The following MITF variants were observed in gnomAD, a reference collection of about 807,000 sequenced individuals.
The protein encoded by MITF is microphthalmia-associated transcription factor.
A neutral mutation model predicts 60.5 loss-of-function variants in MITF; 17 were observed. The observed-to-expected ratio is 0.28, with a 90% CI of 0.19 to 0.42. The LOEUF (loss-of-function observed/expected upper bound fraction) is 0.42, where lower values mean the gene tolerates loss of function less well. Ranked by LOEUF, MITF falls within the 10% of genes least tolerant of loss-of-function variation. The pLI, the probability that MITF is intolerant of heterozygous loss-of-function variation, is 1.00. For missense variants in MITF, 622 were observed against 683.5 expected, an observed-to-expected ratio of 0.91 and a Z score of 1.00; for synonymous variants, 260 against 248.5, an observed-to-expected ratio of 1.05 and a Z score of -0.43.
At chr3:69,799,601 C>A (rs929064816) in intron 1 of MITF, among the ~76,000 whole-genome samples, 2 of 151,872 alleles carry the variant, frequency 1.3e-5, no homozygotes, top group African/African-American at 4.8e-5. Flanking sequence ...GTCTTCCTTT[C>A]CTAGGACAAA....
intron 1 of MITF, among the ~76,000 whole-genome samples, chr3:69,780,041 G>T: frequency 6.6e-6 from 1 of 152,182 alleles, no homozygotes; most frequent in Non-Finnish European, 1.5e-5. Context: ...GGGCTGATAA[G>T]AGAAGCTGAT....
chr3:69,843,130 G>A (rs930135), intron 1 of MITF, among the ~76,000 whole-genome samples: 75,738 of 151,882 alleles, frequency 0.5, 20,523 homozygotes, highest in Non-Finnish European at 0.63. Context: ...TGAGTACTCC[G>A]TAAGTACTCA....
intron 2 of MITF, among the ~76,000 whole-genome samples, chr3:69,883,097 A>C (rs2064526602): frequency 6.6e-6 from 1 of 152,154 alleles, no homozygotes; most frequent in South Asian, 2.1e-4. Flanking sequence ...TGTTCTGCTT[A>C]AGGGAAAGGT....
At chr3:69,759,375 G>T (rs969781062) in intron 1 of MITF, among the ~76,000 whole-genome samples, 1 of 152,158 alleles carries the variant, frequency 6.6e-6, no homozygotes, top group African/African-American at 2.4e-5. Context: ...AAAAAATGTG[G>T]CACTACATAG....
intron 1 of MITF, among the ~76,000 whole-genome samples, chr3:69,843,124 T>C (rs946486099): frequency 1.3e-5 from 2 of 152,052 alleles, no homozygotes; most frequent in Non-Finnish European, 2.9e-5. Context: ...ACTCAATGAG[T>C]ACTCCGTAAG....
At chr3:69,885,482 T>C (rs1262688532) in intron 2 of MITF, among the ~76,000 whole-genome samples, 1 of 152,098 alleles carries the variant, frequency 6.6e-6, no homozygotes, top group Non-Finnish European at 1.5e-5. Context: ...AATGGTAATT[T>C]CTTTTTTAAT....
At chr3:69,816,286 A>G (rs1279105331) in intron 1 of MITF, among the ~76,000 whole-genome samples, 4 of 152,206 alleles carry the variant, frequency 2.6e-5, no homozygotes, top group Non-Finnish European at 5.9e-5. Context: ...CCCCAAATGT[A>G]AACCGTTTCT....
intron 1 of MITF, among the ~76,000 whole-genome samples, chr3:69,855,998 A>G (rs1186718211): frequency 6.6e-6 from 1 of 152,184 alleles, no homozygotes; most frequent in African/African-American, 2.4e-5. Flanking sequence ...ATGGAATCAT[A>G]TCTGAGAGTC....
intron 1 of MITF, among the ~76,000 whole-genome samples, chr3:69,797,471 G>A (rs994057146): frequency 6.6e-6 from 1 of 151,900 alleles, no homozygotes; most frequent in Non-Finnish European, 1.5e-5. Flanking sequence ...TTCTATTTTG[G>A]TGGACTAAAA....
intron 1 of MITF, among the ~76,000 whole-genome samples, chr3:69,774,723 G>A (rs1322799929): frequency 6.6e-6 from 1 of 152,090 alleles, no homozygotes; most frequent in Non-Finnish European, 1.5e-5. Context: ...TGTATGTTGG[G>A]GTGTGGGGTG....
At chr3:69,895,661 G>A (rs1033467005) in intron 2 of MITF, among the ~76,000 whole-genome samples, 1 of 152,146 alleles carries the variant, frequency 6.6e-6, no homozygotes, top group African/African-American at 2.4e-5. Context: ...GGCTATGGAT[G>A]CTTTTTTATG....
intron 2 of MITF, among the ~76,000 whole-genome samples, chr3:69,889,309 G>T (rs1402817383): frequency 6.6e-6 from 1 of 151,558 alleles, no homozygotes; most frequent in Non-Finnish European, 1.5e-5. Flanking sequence ...GTGAACTTGG[G>T]CACATTTCCT....
intron 1 of MITF, among the ~76,000 whole-genome samples, chr3:69,839,659 A>G (rs940626087): frequency 1.3e-5 from 2 of 151,924 alleles, no homozygotes; most frequent in Non-Finnish European, 2.9e-5. Context: ...GCCCACAGCT[A>G]TTCTGAATGG....
At chr3:69,868,212 C>T (rs1177787708) in intron 1 of MITF, among the ~76,000 whole-genome samples, 5 of 152,162 alleles carry the variant, frequency 3.3e-5, no homozygotes, top group Admixed American at 2.0e-4. Context: ...AAGTATTGTG[C>T]TTGTATTAAC....
chr3:69,794,668 T>C lies in MITF; in HGVS notation c.104+54967T>C, dbSNP rs959553965. On this transcript the variant is annotated intron_variant, in intron 1 of 9. Coordinates refer to ENST00000352241, the MANE Select transcript of MITF (RefSeq NM_001354604.2). Reference sequence around the variant, plus strand: ...GCTTTGCATTTGTTATTTGTTTATTTATTTATACATAGATACACATCCATG... The same window carrying C: ...GCTTTGCATTTGTTATTTGTTTATTCATTTATACATAGATACACATCCATG... Among the ~76,000 whole-genome samples, 15 of 152,210 alleles carry C rather than the reference T, an allele frequency of 9.9e-5. No homozygotes were observed. In the East Asian group the frequency reaches 2.9e-3, roughly 29 times the overall value.
chr3:69,965,234 G>C lies in MITF; in HGVS notation c.1567G>C (p.Glu523Gln). 1 of 1,613,840 alleles carries C rather than the reference G, an allele frequency of 6.2e-7. No individual in the cohort carries two copies. Among genetic ancestry groups the C allele is most frequent in the Non-Finnish European group, 8.5e-7 (1 of 1,179,806 alleles). The change falls in exon 10 of 10, where the codon GAG becomes CAG. Residue 523 changes from glutamate to glutamine, a missense_variant. This residue lies in a region of MITF where 224 missense variants were observed against 209.5 expected (regional missense o/e 1.07). Transcript: ENST00000352241. ...GAGCAGTATGAGCATGGAAGAGACG[G>C]AGCACACTTGTTAGCGAATCCTCCC... ...RRSSMSMEET[E>Q]HTC
At chr3:69,835,680 A>G (rs571762282) in intron 1 of MITF, among the ~76,000 whole-genome samples, 1 of 152,262 alleles carries the variant, frequency 6.6e-6, no homozygotes, top group South Asian at 2.1e-4. Flanking sequence ...GCCTAGTCTC[A>G]TTCTTCCGCA....
At chr3:69,804,556 G>C (rs1194609950) in intron 1 of MITF, among the ~76,000 whole-genome samples, 3 of 152,112 alleles carry the variant, frequency 2.0e-5, no homozygotes, top group Non-Finnish European at 4.4e-5. Flanking sequence ...CTTGATATTA[G>C]GATGTTTATT....
intron 1 of MITF, among the ~76,000 whole-genome samples, chr3:69,834,846 C>CTTTT (rs71126468): frequency 1.5e-4 from 20 of 129,640 alleles, no homozygotes; most frequent in East Asian, 4.6e-4. Context: ...GTTTTCTTTT[C>CTTTT]TTTTTTTTTT....
Sources: allele counts gnomAD v4.1 joint callset (sites outside exome capture counted in the v4.1 genomes callset), GRCh38; gene constraint gnomAD v4.1.1; regional missense constraint gnomAD v4.1.1; transcripts MANE v1.5; gene names NCBI Gene and HGNC (gene_info 2026-07-23, HGNC 2026-07-21).